RTN4: variants seen among roughly 807,000 people sequenced by gnomAD.
RTN4 encodes reticulon-4.
A neutral mutation model predicts 90.4 loss-of-function variants in RTN4; 32 were observed. The ratio of observed to expected loss-of-function variants is 0.35; its 90% confidence interval spans 0.27 to 0.48. RTN4 has a LOEUF of 0.48. Ranked by LOEUF, RTN4 falls within the 20% of genes least tolerant of loss-of-function variation. The pLI is 0.99. For missense variants in RTN4, 1,706 were observed against 1,430.2 expected (o/e 1.19, Z -3.11); for synonymous variants, 629 against 552.5 (o/e 1.14, Z -1.94).
chr2:55,069,300 T>C (rs1245093244), intron 2 of RTN4, among the ~76,000 whole-genome samples: 1 of 152,230 alleles, frequency 6.6e-6, no homozygotes, highest in Non-Finnish European at 1.5e-5. Flanking sequence ...GAGATAAAAG[T>C]AATGCTTCTC....
chr2:55,022,018 T>C (rs1681478337), intron 3 of RTN4, among the ~76,000 whole-genome samples: 1 of 152,222 alleles, frequency 6.6e-6, no homozygotes, highest in Non-Finnish European at 1.5e-5. Context: ...TCTTCCACCA[T>C]TCCCATTAAG....
intron 3 of RTN4, among the ~76,000 whole-genome samples, chr2:54,994,033 C>A (rs1679229449): frequency 6.6e-6 from 1 of 152,202 alleles, no homozygotes; most frequent in Admixed American, 6.5e-5. Flanking sequence ...TAGTCCCTTA[C>A]AGATTCCTCA....
chr2:54,974,681 C>G lies in RTN4; in HGVS notation c.3430+14G>C, dbSNP rs756017976. ...TTCCAGCAATTTTTCATCCCAATGGCTTTGTAGACTTACCCAAAATCAGTA... is the reference window on the plus strand; with the variant it reads ...TTCCAGCAATTTTTCATCCCAATGGGTTTGTAGACTTACCCAAAATCAGTA... On this transcript the variant is annotated intron_variant, in intron 6 of 8. Coordinates refer to ENST00000337526, the MANE Select transcript of RTN4 (RefSeq NM_020532.5). 4 of 1,603,054 alleles carry G rather than the reference C, an allele frequency of 2.5e-6. No individual in the cohort carries two copies. The South Asian group carries it at 4.4e-5, about 18-fold the overall frequency.
In RTN4 at chr2:54,977,608, A is replaced by G. The variant is rs117010173; in HGVS notation, c.3361-2844T>C. ...TGCTAAGAAGGCTCAGTCAGACTCAATTAGCCCAAAAGCTGAGCCCAGTAG... is the reference window on the plus strand; with the variant it reads ...TGCTAAGAAGGCTCAGTCAGACTCAGTTAGCCCAAAAGCTGAGCCCAGTAG... On this transcript the variant is annotated intron_variant, in intron 5 of 8. Coordinates refer to ENST00000337526, the MANE Select transcript of RTN4 (RefSeq NM_020532.5). Among the ~76,000 whole-genome samples, 28 of 152,242 alleles carry G rather than the reference A, an allele frequency of 1.8e-4. No homozygotes were observed. In the East Asian group the frequency reaches 4.4e-3, roughly 24 times the overall value.
intron 1 of RTN4, chr2:55,049,277 G>C: frequency 1.8e-6 from 1 of 554,844 alleles, no homozygotes; most frequent in Non-Finnish European, 2.3e-6. Context: ...CAGGCCAACA[G>C]ACCCGCAGCA....
At chr2:55,112,459 C>T (rs1281553231) in intron 1 of RTN4, 3 of 152,286 alleles carry the variant, frequency 2.0e-5, no homozygotes, top group Admixed American at 1.3e-4. Context: ...GCACTTTCCA[C>T]ACTAGTATTG....
chr2:54,973,632 G>T lies in RTN4; in HGVS notation c.3478-11C>A. On this transcript the variant is annotated splice_polypyrimidine_tract_variant and intron_variant, in intron 7 of 8. Coordinates refer to ENST00000337526, the MANE Select transcript of RTN4 (RefSeq NM_020532.5). ...ATGATCTATCTGTGCCTGAAAGAGA[G>T]GTATAAAGGAATTATTACCGTTGCT... 1.9e-6 allele frequency: 3 copies of T among 1,602,864 alleles called. No homozygotes were observed. The highest frequency in any genetic ancestry group is 1.1e-5 in the South Asian group (1 of 90,776).
chr2:55,054,567 C>T (rs544624243), upstream of RTN4, among the ~76,000 whole-genome samples: 5 of 152,238 alleles, frequency 3.3e-5, no homozygotes, highest in South Asian at 1.0e-3. Flanking sequence ...ATTATGTATG[C>T]CCCTCAAAAG....
intron 1 of RTN4, among the ~76,000 whole-genome samples, chr2:55,092,311 C>A (rs1303909910): frequency 6.6e-6 from 1 of 151,272 alleles, no homozygotes; most frequent in East Asian, 1.9e-4. Flanking sequence ...TCTCAGCTCA[C>A]CGTAACCTCC....
intron 3 of RTN4, among the ~76,000 whole-genome samples, chr2:55,024,494 G>A (rs995881910): frequency 6.6e-6 from 1 of 152,136 alleles, no homozygotes; most frequent in Non-Finnish European, 1.5e-5. Flanking sequence ...ATCACCTTAT[G>A]CAAATCAGGT....
At chr2:55,089,964 C>A (rs1668908404) in intron 1 of RTN4, among the ~76,000 whole-genome samples, 1 of 152,186 alleles carries the variant, frequency 6.6e-6, no homozygotes. Context: ...AAGCAGCTGT[C>A]TGAATGTTAG....
chr2:55,044,407 C>G (rs946630790), intron 1 of RTN4, among the ~76,000 whole-genome samples: 6 of 151,522 alleles, frequency 4.0e-5, no homozygotes, highest in African/African-American at 1.5e-4. Flanking sequence ...AACAAACAAA[C>G]AAACAAACAA....
intron 5 of RTN4, among the ~76,000 whole-genome samples, chr2:54,975,864 T>A (rs1345106543): frequency 6.6e-6 from 1 of 152,204 alleles, no homozygotes; most frequent in African/African-American, 2.4e-5. Context: ...TTAACTAATG[T>A]TCAAGTCAGT....
chr2:55,075,610 CA>C (rs1170541640), intron 2 of RTN4, among the ~76,000 whole-genome samples: 1 of 151,860 alleles, frequency 6.6e-6, no homozygotes, highest in Non-Finnish European at 1.5e-5. Context: ...CATATGGAAC[CA>C]AAAAAGAGCT....
Position 55,107,859 on chromosome 2 carries a change from T to C in RTN4, c.-214+4661A>G, listed in dbSNP as rs1278357179. The stretch of plus-strand genomic sequence containing the variant: ...GACTCTGGAAAGCCTGTATGTGGTA[T>C]AGATAAATATACACTAGATTCTGTA... On this transcript the variant is annotated intron_variant, in intron 1 of 3. Coordinates refer to the RTN4 transcript ENST00000427710. Among the ~76,000 whole-genome samples the C allele has an allele frequency of 5.3e-5, 8 of 152,138 alleles. No homozygotes were observed. In the East Asian group the frequency reaches 7.7e-4, roughly 15 times the overall value.
chr2:55,055,743 C>A (rs1410710383), upstream of RTN4, among the ~76,000 whole-genome samples: 2 of 149,246 alleles, frequency 1.3e-5, no homozygotes, highest in Non-Finnish European at 3.0e-5. Context: ...GCACTCCAGC[C>A]TGGGCAACAG....
the RTN4 span, among the ~76,000 whole-genome samples, chr2:55,133,039 G>C: frequency 2.9e-4 from 43 of 146,054 alleles, no homozygotes; most frequent in East Asian, 8.9e-3. Context: ...TGATGAAACC[G>C]TGTCTCTACT....
chr2:55,032,466 T>C (rs1682385912), intron 1 of RTN4, among the ~76,000 whole-genome samples: 1 of 152,142 alleles, frequency 6.6e-6, no homozygotes, highest in African/African-American at 2.4e-5. Flanking sequence ...AGACAGGGAA[T>C]CTTGGTGGAG....
At position 55,050,351 on chromosome 2, in the gene RTN4, G is replaced by C; in HGVS notation, c.-51C>G. The C allele has an allele frequency of 1.6e-6, 2 of 1,238,680 alleles. No individual in the cohort carries two copies. The highest frequency in any genetic ancestry group is 2.1e-6 in the Non-Finnish European group (2 of 947,204). The allele number at this position is 1,238,680 out of a possible 1,614,324, so 76.7% of individuals were successfully genotyped here. A position where few individuals can be genotyped will look rare whatever the true frequency, so the allele number is the denominator to read the frequency against. ...AGCTGCTGCCGCCGCCGCCGGGGCCGCGTCTCAGAGCCGCGGGCGGTTGTG... is the reference window on the plus strand; with the variant it reads ...AGCTGCTGCCGCCGCCGCCGGGGCCCCGTCTCAGAGCCGCGGGCGGTTGTG... On this transcript the variant is annotated 5_prime_UTR_variant, in exon 1 of 9. Transcript: ENST00000337526. This position sits in a 1 kb window ranked among gnomAD's most constrained non-coding sequence, Gnocchi z 4.6.
Sources: gnomAD v4.1 joint callset for allele counts (sites outside exome capture counted in the v4.1 genomes callset) on GRCh38, gnomAD v4.1.1 for gene constraint, Gnocchi (gnomAD v3.1) non-coding constraint, MANE v1.5 for transcripts, NCBI Gene and HGNC (gene_info 2026-07-23, HGNC 2026-07-21) for gene names.